Variants in NUP93 observed in about 807,000 individuals in gnomAD.
NUP93 encodes nucleoporin 93, also known as nuclear pore complex protein Nup93.
A neutral mutation model predicts 107.8 loss-of-function variants in NUP93; 55 were observed. That is an observed-to-expected ratio of 0.51 (90% confidence interval 0.41 to 0.64). NUP93 has a LOEUF of 0.64. Ranked by LOEUF, NUP93 falls within the 30% of genes least tolerant of loss-of-function variation. NUP93 has a pLI of 0.00. For synonymous variants in NUP93, 390 were observed against 397.5 expected, an observed-to-expected ratio of 0.98 and a Z score of 0.22; for missense variants, 937 against 1,044.7, an observed-to-expected ratio of 0.90 and a Z score of 1.42.
chr16:56,837,808 C>T (rs1963944626), intron 18 of NUP93, 82 bp downstream of exon 18: 2 of 981,852 alleles, frequency 2.0e-6, no homozygotes, highest in Non-Finnish European at 3.1e-6. Flanking sequence ...AATGCATGTT[C>T]AGCTTTACTA....
At position 56,826,748 on chromosome 16, in the gene NUP93, A is replaced by G. The variant is rs151109943; in HGVS notation, c.795-2229A>G. Among the ~76,000 whole-genome samples, 449 of 151,974 alleles carry G rather than the reference A, an allele frequency of 3.0e-3. 1 individual carries two copies. Among genetic ancestry groups the G allele is most frequent in the African/African-American group, 9.5e-3 (392 of 41,426 alleles). On this transcript the variant is annotated intron_variant, in intron 8 of 21. Transcript: ENST00000308159. Reference sequence around the variant, plus strand: ...GACGTGTATTTTTTTTCATAACTGCATAAAATTTCATTGAGTCGGCTGGGT... The same window carrying G: ...GACGTGTATTTTTTTTCATAACTGCGTAAAATTTCATTGAGTCGGCTGGGT...
chr16:56,796,511 C>T (rs950347064), intron 3 of NUP93, among the ~76,000 whole-genome samples: 17 of 152,174 alleles, frequency 1.1e-4, no homozygotes, highest in Non-Finnish European at 1.8e-4. Context: ...TTAAATGATG[C>T]TTGACTATAT....
chr16:56,754,730 C>G (rs530833571), intron 2 of NUP93, among the ~76,000 whole-genome samples: 1 of 152,306 alleles, frequency 6.6e-6, no homozygotes, highest in African/African-American at 2.4e-5. Context: ...GCTTTTTTCT[C>G]ACAACTCCAC....
At chr16:56,799,119 T>C (rs537666697) in intron 4 of NUP93, among the ~76,000 whole-genome samples, 103 of 152,298 alleles carry the variant, frequency 6.8e-4, no homozygotes, top group South Asian at 1.2e-3. Flanking sequence ...AATTAGTGGT[T>C]TCATTGTTAT....
chr16:56,831,585 C>T, intron 10 of NUP93: 2 of 402,344 alleles, frequency 5.0e-6, no homozygotes, highest in Admixed American at 8.1e-5. Context: ...AGTTCTAATT[C>T]CCTGGCATTT....
chr16:56,752,461 T>TA (rs1425104990), intron 2 of NUP93, among the ~76,000 whole-genome samples: 2 of 152,132 alleles, frequency 1.3e-5, no homozygotes, highest in Non-Finnish European at 2.9e-5. Context: ...TATTATTAGG[T>TA]AAAAAATGCA....
At chr16:56,773,972 T>C (rs1464654012) in intron 3 of NUP93, among the ~76,000 whole-genome samples, 4 of 152,194 alleles carry the variant, frequency 2.6e-5, no homozygotes, top group African/African-American at 9.7e-5. Flanking sequence ...TTAAAACATA[T>C]ATATTTAAAA....
intron 5 of NUP93, among the ~76,000 whole-genome samples, chr16:56,810,735 CCCCAGAAA>C (rs1963297619): frequency 1.1e-5 from 1 of 92,200 alleles, no homozygotes; most frequent in African/African-American, 3.4e-5. Flanking sequence ...ATTACCAGCG[CCCCAGAAA>C]TCCTCTTTGT....
chr16:56,772,971 T>C (rs1962349980), intron 3 of NUP93, among the ~76,000 whole-genome samples: 1 of 152,200 alleles, frequency 6.6e-6, no homozygotes, highest in Non-Finnish European at 1.5e-5. Context: ...TGATCACCAG[T>C]GGCCAGTGGT....
chr16:56,816,771 T>C (rs1165495187), intron 5 of NUP93, among the ~76,000 whole-genome samples: 1 of 152,162 alleles, frequency 6.6e-6, no homozygotes, highest in Non-Finnish European at 1.5e-5. Flanking sequence ...TTGTTAAATT[T>C]TCAAGGAATT....
Position 56,846,048 on chromosome 16 carries a change from T to G in NUP93, c.*1439T>G, listed in dbSNP as rs1394825020. 3 of 152,194 alleles carry G rather than the reference T, an allele frequency of 2.0e-5. No homozygotes were observed. Among genetic ancestry groups the G allele is most frequent in the Non-Finnish European group, 4.4e-5 (3 of 68,032 alleles). 9.4% of individuals were successfully genotyped at this position (152,194 alleles called of 1,614,324 possible). A position where few individuals can be genotyped will look rare whatever the true frequency, so the allele number is the denominator to read the frequency against. On this transcript the variant is annotated 3_prime_UTR_variant, in exon 22 of 22. Transcript: ENST00000308159. The stretch of plus-strand genomic sequence containing the variant: ...ACATGAGCCCTGCAGAGGCCTTGAT[T>G]TAGCAAGTTGTGCCCTGCTTATATG...
At chr16:56,766,569 T>C (rs1962220017) in intron 3 of NUP93, among the ~76,000 whole-genome samples, 1 of 152,230 alleles carries the variant, frequency 6.6e-6, no homozygotes, top group South Asian at 2.1e-4. Flanking sequence ...TTGTCAAATA[T>C]TGAATTGTTT....
chr16:56,780,740 ATAT>A (rs1488811121), intron 3 of NUP93, among the ~76,000 whole-genome samples: 1 of 152,174 alleles, frequency 6.6e-6, no homozygotes, highest in South Asian at 2.1e-4. Flanking sequence ...AAATTGGCAA[ATAT>A]TATGTGTCTT....
intron 3 of NUP93, chr16:56,781,775 C>A: frequency 1.0e-6 from 1 of 973,028 alleles, no homozygotes; most frequent in Non-Finnish European, 1.2e-6. Flanking sequence ...CCTCTTAAAT[C>A]TTAACTTGGT....
At chr16:56,813,581 T>A (rs1963360021) in intron 5 of NUP93, among the ~76,000 whole-genome samples, 1 of 152,180 alleles carries the variant, frequency 6.6e-6, no homozygotes, top group African/African-American at 2.4e-5. Context: ...TGTGCGCTTT[T>A]CTGACAGTAG....
At chr16:56,778,381 T>C (rs187940380) in intron 3 of NUP93, among the ~76,000 whole-genome samples, 1 of 152,264 alleles carries the variant, frequency 6.6e-6, no homozygotes, top group Non-Finnish European at 1.5e-5. Flanking sequence ...CAGTGGAGTG[T>C]AGGCGGCAGG....
intron 4 of NUP93, among the ~76,000 whole-genome samples, chr16:56,804,636 C>T (rs980489960): frequency 8.5e-5 from 13 of 152,060 alleles, no homozygotes; most frequent in Admixed American, 2.6e-4. Flanking sequence ...GGGCTGGGCA[C>T]GGTGGCTCAC....
intron 2 of NUP93, among the ~76,000 whole-genome samples, chr16:56,749,300 A>G (rs1156481454): frequency 6.6e-6 from 1 of 152,192 alleles, no homozygotes; most frequent in African/African-American, 2.4e-5. Flanking sequence ...TTTCACAACC[A>G]TCATTAGGCT....
intron 4 of NUP93, 51 bp from the exon 5 acceptor site, chr16:56,805,453 T>A (rs1357675675): frequency 1.3e-6 from 2 of 1,595,876 alleles, no homozygotes; most frequent in Non-Finnish European, 1.7e-6. Flanking sequence ...TTAAACCATG[T>A]TTTTTTTGTT....
Sources: gnomAD v4.1 joint callset for allele counts (sites outside exome capture counted in the v4.1 genomes callset) on GRCh38, gnomAD v4.1.1 for gene constraint, MANE v1.5 for transcripts, NCBI Gene and HGNC (gene_info 2026-07-23, HGNC 2026-07-21) for gene names.